The following PAK1 variants were observed in gnomAD, a reference collection of about 807,000 sequenced individuals.
PAK1 encodes p21 (RAC1) activated kinase 1.
A neutral mutation model predicts 67.4 loss-of-function variants in PAK1; 29 were observed. The ratio of observed to expected loss-of-function variants is 0.43; its 90% CI spans 0.32 to 0.59. The LOEUF (loss-of-function observed/expected upper bound fraction) is 0.59, where lower values mean the gene tolerates loss of function less well. Among genes scored for constraint, PAK1 ranks in the 20% least tolerant of loss-of-function variants. The pLI is 0.07. For synonymous variants in PAK1, 223 were observed against 237.4 expected, an observed-to-expected ratio of 0.94 and a Z score of 0.56; for missense variants, 337 against 670.7, an observed-to-expected ratio of 0.50 and a Z score of 5.50.
intron 1 of PAK1, among the ~76,000 whole-genome samples, chr11:77,429,994 C>G (rs1955785894): frequency 6.6e-6 from 1 of 152,058 alleles, no homozygotes; most frequent in South Asian, 2.1e-4. Flanking sequence ...AAAAACAAAA[C>G]AGATGATGAA....
intron 1 of PAK1, among the ~76,000 whole-genome samples, chr11:77,426,756 A>G (rs1404904794): frequency 3.3e-5 from 5 of 151,868 alleles, no homozygotes; most frequent in Non-Finnish European, 4.4e-5. Context: ...TTGAATCTGT[A>G]TATTAGAAAA....
chr11:77,398,005 ATATTTAT>A (rs1282672168), intron 1 of PAK1, among the ~76,000 whole-genome samples: 1 of 152,228 alleles, frequency 6.6e-6, no homozygotes, highest in Non-Finnish European at 1.5e-5. Context: ...GTAGTTGTAT[ATATTTAT>A]GGAGTACATG....
the PAK1 span, among the ~76,000 whole-genome samples, chr11:77,489,597 C>T: frequency 2.0e-5 from 3 of 152,138 alleles, no homozygotes; most frequent in Admixed American, 6.5e-5. Context: ...TGCAGGCGCG[C>T]GCCGCCACGC....
the PAK1 span, among the ~76,000 whole-genome samples, chr11:77,517,956 A>G: frequency 6.6e-6 from 1 of 152,152 alleles, no homozygotes; most frequent in Admixed American, 6.5e-5. Flanking sequence ...AGCAATGGGG[A>G]GGGGCTATAA....
intron 1 of PAK1, among the ~76,000 whole-genome samples, chr11:77,398,986 C>A (rs1160831458): frequency 6.6e-6 from 1 of 152,188 alleles, no homozygotes; most frequent in East Asian, 1.9e-4. Context: ...AATTCTTATT[C>A]CTCCAATCAA....
intron 1 of PAK1, among the ~76,000 whole-genome samples, chr11:77,429,077 AAAAAAAAAAAAAAAAAAC>A (rs536396312): frequency 0.034 from 4,446 of 132,666 alleles, 282 homozygotes; most frequent in East Asian, 0.18. Context: ...AAAAAAAAAA[AAAAAAAAAAAAAAAAAAC>A]ACACACACAC....
intron 1 of PAK1, among the ~76,000 whole-genome samples, chr11:77,426,202 G>GT (rs1955537931): frequency 6.6e-6 from 1 of 150,466 alleles, no homozygotes; most frequent in African/African-American, 2.5e-5. Context: ...ACTTCTCTGA[G>GT]TATCAATTTC....
chr11:77,498,268 G>T, the PAK1 span, among the ~76,000 whole-genome samples: 3 of 152,100 alleles, frequency 2.0e-5, no homozygotes, highest in Non-Finnish European at 2.9e-5. Flanking sequence ...CTGAACTATC[G>T]TTCTATGCTT....
At chr11:77,372,496 A>G (rs17135589) in intron 5 of PAK1, among the ~76,000 whole-genome samples, 4,925 of 152,316 alleles carry the variant, frequency 0.032, 133 homozygotes, top group African/African-American at 0.075. Flanking sequence ...TGTTTTTTAT[A>G]ATCAATATGT....
upstream of PAK1, among the ~76,000 whole-genome samples, chr11:77,477,457 G>T (rs1426724524): frequency 3.3e-5 from 5 of 150,304 alleles, no homozygotes; most frequent in Non-Finnish European, 4.4e-5. Context: ...CAGACCAGGT[G>T]CCTTGGCTCA....
chr11:77,445,963 T>C (rs145313390), intron 1 of PAK1, among the ~76,000 whole-genome samples: 19 of 152,314 alleles, frequency 1.2e-4, no homozygotes, highest in African/African-American at 4.6e-4. Context: ...GTCTCATTCA[T>C]CTTTATATCT....
intron 1 of PAK1, among the ~76,000 whole-genome samples, chr11:77,413,537 T>C (rs1207520681): frequency 6.6e-6 from 1 of 151,856 alleles, no homozygotes; most frequent in Non-Finnish European, 1.5e-5. Flanking sequence ...CACAAAAAAT[T>C]AGCTGGATGG....
chr11:77,387,530 T>TA (rs1950606182), intron 2 of PAK1, among the ~76,000 whole-genome samples: 1 of 152,254 alleles, frequency 6.6e-6, no homozygotes, highest in South Asian at 2.1e-4. Flanking sequence ...TTGAGCAACT[T>TA]ACTTTTCTCT....
chr11:77,405,670 G>GAGACACAC lies in PAK1; in HGVS notation c.-21-13130_-21-13129insGTGTGTCT, dbSNP rs1177577797. ...CTATTCAAAGACAGACAGACAGACA[G>GAGACACAC]ACAGACACACACACACACACACACA... On this transcript the variant is annotated intron_variant, in intron 1 of 14. Coordinates refer to ENST00000356341, the MANE Select transcript of PAK1 (RefSeq NM_002576.5). 8.8e-3 allele frequency among the ~76,000 whole-genome samples: 1,107 copies of GAGACACAC among 125,640 alleles called. 16 individuals carry two copies. The highest frequency in any genetic ancestry group is 0.029 in the African/African-American group (910 of 30,968). 82.4% of individuals were successfully genotyped at this position (125,640 alleles called of 152,430 possible). A position where few individuals can be genotyped will look rare whatever the true frequency, so the allele number is the denominator to read the frequency against.
chr11:77,427,473 T>C (rs1010960109), intron 1 of PAK1, among the ~76,000 whole-genome samples: 2 of 152,192 alleles, frequency 1.3e-5, no homozygotes, highest in Non-Finnish European at 2.9e-5. Context: ...GGCAGATATC[T>C]AGACCCAAGG....
intron 1 of PAK1, among the ~76,000 whole-genome samples, chr11:77,419,344 T>C (rs1955134732): frequency 6.6e-6 from 1 of 152,206 alleles, no homozygotes; most frequent in Admixed American, 6.5e-5. Context: ...TTCATTTAAA[T>C]AGTCCTCTGG....
chr11:77,480,597 C>T, the PAK1 span, among the ~76,000 whole-genome samples: 1 of 148,160 alleles, frequency 6.7e-6, no homozygotes, highest in Non-Finnish European at 1.5e-5. Context: ...AATCTCAACT[C>T]ACTGCAACCT....
chr11:77,508,731 C>T, the PAK1 span, among the ~76,000 whole-genome samples: 2 of 147,090 alleles, frequency 1.4e-5, no homozygotes, highest in Non-Finnish European at 3.0e-5. Flanking sequence ...GCGATCTTGG[C>T]TCACTGCAAG....
the PAK1 span, among the ~76,000 whole-genome samples, chr11:77,500,441 T>TG: frequency 6.6e-6 from 1 of 152,082 alleles, no homozygotes; most frequent in Non-Finnish European, 1.5e-5. Context: ...CACCCCAGCC[T>TG]GGGCAACAGA....
Sources: gnomAD v4.1 joint callset for allele counts (sites outside exome capture counted in the v4.1 genomes callset) on GRCh38, gnomAD v4.1.1 for gene constraint, MANE v1.5 for transcripts, NCBI Gene and HGNC (gene_info 2026-07-23, HGNC 2026-07-21) for gene names.